The following CUL9 variants were observed in gnomAD, a reference collection of about 807,000 sequenced individuals.
CUL9 encodes the protein cullin 9, also known as cullin-9.
Under a neutral mutation model 272.6 loss-of-function variants are expected in CUL9, and 79 were observed. That is an observed-to-expected ratio of 0.29 (90% CI 0.24 to 0.35). The LOEUF (loss-of-function observed/expected upper bound fraction) is 0.35. Ranked by LOEUF, CUL9 falls within the 10% of genes least tolerant of loss-of-function variation. The pLI is 1.00. For missense variants in CUL9, 2,532 were observed against 3,255.6 expected (o/e 0.78, Z 5.41); for synonymous variants, 1,186 against 1,286.5 (o/e 0.92, Z 1.67).
chr6:43,197,631 G>A (rs368064041), intron 11 of CUL9, among the ~76,000 whole-genome samples: 9 of 150,284 alleles, frequency 6.0e-5, no homozygotes, highest in East Asian at 3.9e-4. Flanking sequence ...TTACAGGTGC[G>A]CACCACCACA....
Position 43,213,518 on chromosome 6 carries a change from A to G in CUL9, c.5439A>G (p.Ser1813=). 6.2e-7 allele frequency: 1 copy of G among 1,611,166 alleles called. No homozygotes were observed. Among genetic ancestry groups the G allele is most frequent in the Non-Finnish European group, 8.5e-7 (1 of 1,179,274 alleles). Residue 1813 remains serine, a synonymous_variant, in exon 28 of 41, where the codon TCA becomes TCG. Coordinates refer to ENST00000252050, the MANE Select transcript of CUL9 (RefSeq NM_015089.4). The surrounding 1 kb of genome is among the most constrained non-coding windows in gnomAD (Gnocchi z 5.7). ...TCCAGGCACTCGTGCCCCTCACCTC[A>G]GGGAATGGCCCTTTGACCCTGCATG... ...LLLQALVPLT[S]GNGPLTLHEG...
At chr6:43,216,084 G>C in intron 30 of CUL9, 74 bp from the exon 31 acceptor site, 1 of 1,388,584 alleles carries the variant, frequency 7.2e-7, no homozygotes. Flanking sequence ...GGAGCTGGGG[G>C]CCAGGTGGGG....
rs374119667 is a variant in CUL9 at position 43,187,047 on chromosome 6, G to C, written c.1339G>C (p.Ala447Pro). ...LGPEEATEDK[A>P]SAAVEKGAGA... ...CCCTGAGGAAGCCACTGAGGATAAGGCTTCAGCAGCTGTGGAGAAGGGGGC... is the reference window on the plus strand; with the variant it reads ...CCCTGAGGAAGCCACTGAGGATAAGCCTTCAGCAGCTGTGGAGAAGGGGGC... Residue 447 changes from alanine (A) to proline (P), a missense_variant, in exon 5 of 41, where the codon GCT (alanine) becomes CCT (proline). By Grantham distance (27) the Ala-to-Pro change is conservative. Coordinates refer to ENST00000252050, the MANE Select transcript of CUL9 (RefSeq NM_015089.4). 1.2e-6 allele frequency: 2 copies of C among 1,614,104 alleles called. No individual in the cohort carries two copies. Among genetic ancestry groups the C allele is most frequent in the Admixed American group, 3.3e-5 (2 of 60,016 alleles).
rs938618574 is a variant in CUL9, at chr6:43,218,612, C to T, written c.6283-1847C>T. ...GAAGGCCCATTTGGTGACTGTTGTA[C>T]GAGAGACAAGAGATGGTGGTAGTTT... On this transcript the variant is annotated intron_variant, in intron 31 of 40. Coordinates refer to ENST00000252050, the MANE Select transcript of CUL9 (RefSeq NM_015089.4). This position sits in a 1 kb window ranked among gnomAD's most constrained non-coding sequence, Gnocchi z 4.4. 1.7e-4 allele frequency among the ~76,000 whole-genome samples: 26 copies of T among 152,072 alleles called. No individual in the cohort carries two copies. Among genetic ancestry groups the T allele is most frequent in the African/African-American group, 4.8e-4 (20 of 41,402 alleles).
chr6:43,201,161 G>A (rs552824102), intron 16 of CUL9, among the ~76,000 whole-genome samples: 58 of 152,270 alleles, frequency 3.8e-4, no homozygotes, highest in Non-Finnish European at 6.3e-4. Flanking sequence ...CAAGGGTCTC[G>A]AAATAGAAGG....
intron 9 of CUL9, 40 bp from the exon 10 acceptor site, chr6:43,196,029 T>C (rs778398604): frequency 6.4e-7 from 1 of 1,567,144 alleles, no homozygotes; most frequent in Non-Finnish European, 8.7e-7. Context: ...TCATGGTGAC[T>C]CTGCCCCCTC....
Position 43,213,072 on chromosome 6 carries a change from A to C in CUL9, c.5213-77A>C. ...CTCCCCATAGGGACTAGTAGGAGCA[A>C]AGCTTGACACCTCAACCCCTAAACC... On this transcript the variant is annotated intron_variant, in intron 26 of 40. Transcript: ENST00000252050. The surrounding 1 kb of genome is among the most constrained non-coding windows in gnomAD (Gnocchi z 5.7). 6.5e-7 allele frequency: 1 copy of C among 1,534,008 alleles called. No individual in the cohort carries two copies. The highest frequency in any genetic ancestry group is 8.9e-7 in the Non-Finnish European group (1 of 1,125,996).
intron 9 of CUL9, among the ~76,000 whole-genome samples, chr6:43,195,508 C>A (rs951421913): frequency 6.6e-6 from 1 of 152,120 alleles, no homozygotes; most frequent in Admixed American, 6.5e-5. Flanking sequence ...TGTGAATGGA[C>A]CTGGTTGCCT....
At chr6:43,222,937 C>T (rs1245675328) in intron 38 of CUL9, 41 bp downstream of exon 38, 1 of 1,552,554 alleles carries the variant, frequency 6.4e-7, no homozygotes, top group Non-Finnish European at 8.9e-7. Flanking sequence ...CCTGCCTCCT[C>T]CCCTCTGTTG....
At chr6:43,201,703 TCTC>T (rs1282338649) in intron 16 of CUL9, among the ~76,000 whole-genome samples, 2 of 152,186 alleles carry the variant, frequency 1.3e-5, no homozygotes, top group Non-Finnish European at 2.9e-5. Flanking sequence ...ATGGTCTCGA[TCTC>T]CTGACCTCGT....
At chr6:43,202,686 G>T in intron 16 of CUL9, 30 bp from the exon 17 acceptor site, 1 of 1,602,576 alleles carries the variant, frequency 6.2e-7, no homozygotes, top group South Asian at 1.1e-5. Flanking sequence ...CAGAGGCCCA[G>T]CTTTGACTGT....
chr6:43,222,032 T>G, intron 35 of CUL9: 1 of 593,700 alleles, frequency 1.7e-6, no homozygotes, highest in Non-Finnish European at 3.0e-6. Flanking sequence ...CTGGGCACTC[T>G]CAGAAGGCAG....
chr6:43,187,653 A>G, intron 6 of CUL9, 60 bp from the exon 7 acceptor site: 1 of 1,552,858 alleles, frequency 6.4e-7, no homozygotes, highest in East Asian at 2.2e-5. Flanking sequence ...CCTTCCCATT[A>G]CTGACCCCAA....
Position 43,206,439 on chromosome 6 carries a change from A to G in CUL9, c.5141A>G (p.Tyr1714Cys). The change falls in exon 26 of 41, where the codon TAC becomes TGC. Residue 1714 changes from tyrosine to cysteine, a missense_variant. Coordinates refer to ENST00000252050, the MANE Select transcript of CUL9 (RefSeq NM_015089.4). The surrounding 1 kb of genome is among the most constrained non-coding windows in gnomAD (Gnocchi z 4.8). ...CCCGTCTCCCCACTCTGCTACCTGT[A>G]CCATCCCAGAAAGTGCCTTCCCACA... is the stretch of plus-strand genomic sequence containing the variant. The part of the protein sequence containing the change: ...CWPVSPLCYL[Y>C]HPRKCLPTEF... The G allele has an allele frequency of 6.2e-7, 1 of 1,614,176 alleles. No individual in the cohort carries two copies. The highest frequency in any genetic ancestry group is 1.1e-5 in the South Asian group (1 of 91,084).
At position 43,221,071 on chromosome 6, in the gene CUL9, T is replaced by A; in HGVS notation, c.6589-87T>A. 1.3e-6 allele frequency: 2 copies of A among 1,513,628 alleles called. No individual in the cohort carries two copies. Among genetic ancestry groups the A allele is most frequent in the Non-Finnish European group, 1.8e-6 (2 of 1,124,466 alleles). The allele number at this position is 1,513,628 out of a possible 1,614,324, so 93.8% of individuals were successfully genotyped here. On this transcript the variant is annotated intron_variant, in intron 33 of 40. Coordinates refer to ENST00000252050, the MANE Select transcript of CUL9 (RefSeq NM_015089.4). The surrounding 1 kb of genome is among the most constrained non-coding windows in gnomAD (Gnocchi z 4.2). Reference sequence around the variant, plus strand: ...TCTTCCTGGAGCCCTCCAAATGTGATCTGTGCCTGCTCCCCTCTCTCCTGT... The same window carrying A: ...TCTTCCTGGAGCCCTCCAAATGTGAACTGTGCCTGCTCCCCTCTCTCCTGT...
chr6:43,187,182 T>A, intron 5 of CUL9, 64 bp from the exon 6 acceptor site: 1 of 1,604,986 alleles, frequency 6.2e-7, no homozygotes. Flanking sequence ...GGAGCAGCCC[T>A]AGGGGTCCAG....
intron 11 of CUL9, 187 bp from the exon 12 acceptor site, chr6:43,198,422 T>C (rs1423972051): frequency 2.0e-6 from 2 of 985,070 alleles, no homozygotes; most frequent in Non-Finnish European, 2.4e-6. Context: ...GGTTTTTTTT[T>C]CAAATCTGAT....
rs771674728 is a variant in CUL9, at chr6:43,185,960, A to G, written c.756A>G (p.Pro252=). 4 of 1,604,096 alleles carry G rather than the reference A, an allele frequency of 2.5e-6. No homozygotes were observed. The highest frequency in any genetic ancestry group is 3.4e-6 in the Non-Finnish European group (4 of 1,173,882). ...AFEGIHLPQI[P]GKLLFSLVKR... is the part of the protein sequence containing the mutation. ...CCAAGGATTGTGTCTTACAGATCCC[A>G]GGAAAGCTGCTTTTCTCCTTGGTGA... Residue 252 remains proline, a synonymous_variant, in exon 4 of 41, where the codon CCA becomes CCG. Transcript: ENST00000252050.
At position 43,196,062 on chromosome 6, in the gene CUL9, C is replaced by T. The variant is rs201354259; in HGVS notation, c.2389-7C>T. 8 of 1,608,602 alleles carry T rather than the reference C, an allele frequency of 5.0e-6. No individual in the cohort carries two copies. In the East Asian group the frequency reaches 1.1e-4, roughly 22 times the overall value. On this transcript the variant is annotated splice_polypyrimidine_tract_variant and splice_region_variant and intron_variant, in intron 9 of 40. Transcript: ENST00000252050. ...CTCCTCACTCTGCTTTCACATCCCCCTCACAGGCACTGAAGATGCTGGCCG... is the reference window on the plus strand; with the variant it reads ...CTCCTCACTCTGCTTTCACATCCCCTTCACAGGCACTGAAGATGCTGGCCG...
Sources: allele counts gnomAD v4.1 joint callset (sites outside exome capture counted in the v4.1 genomes callset), GRCh38; gene constraint gnomAD v4.1.1; non-coding constraint Gnocchi (gnomAD v3.1); transcripts MANE v1.5; gene names NCBI Gene and HGNC (gene_info 2026-07-23, HGNC 2026-07-21).